PRKCI: variants seen among roughly 807,000 people sequenced by gnomAD.
The protein encoded by PRKCI is protein kinase C iota type.
In PRKCI, 43 loss-of-function variants were observed where a neutral mutation model predicts 84.0. The observed-to-expected ratio is 0.51, with a 90% CI of 0.40 to 0.66. The LOEUF (loss-of-function observed/expected upper bound fraction) is 0.66, where lower values mean the gene tolerates loss of function less well. Ranked by LOEUF, PRKCI falls within the 30% of genes least tolerant of loss-of-function variation. PRKCI has a pLI of 0.00. For missense variants in PRKCI, 459 were observed against 745.6 expected, an observed-to-expected ratio of 0.62 and a Z score of 4.48; for synonymous variants, 216 against 234.4, an observed-to-expected ratio of 0.92 and a Z score of 0.72.
intron 2 of PRKCI, among the ~76,000 whole-genome samples, chr3:170,241,669 GAC>G (rs909248248): frequency 6.6e-6 from 1 of 151,572 alleles, no homozygotes; most frequent in African/African-American, 2.4e-5. Flanking sequence ...GAGAGAGAGA[GAC>G]AGAGACAGAG....
chr3:170,235,422 T>C (rs1732944760), intron 2 of PRKCI, 71 bp downstream of exon 2: 2 of 1,529,342 alleles, frequency 1.3e-6, no homozygotes, highest in Non-Finnish European at 1.8e-6. Context: ...TGTAAAAATA[T>C]AATGAGTCCT....
chr3:170,252,246 C>T (rs908140038), intron 2 of PRKCI, among the ~76,000 whole-genome samples: 14 of 152,020 alleles, frequency 9.2e-5, no homozygotes, highest in Non-Finnish European at 1.8e-4. Context: ...GAAAGATACC[C>T]TGTTGGTTGA....
chr3:170,225,566 T>A (rs1732606829), intron 1 of PRKCI, among the ~76,000 whole-genome samples: 1 of 151,754 alleles, frequency 6.6e-6, no homozygotes, highest in African/African-American at 2.4e-5. Context: ...TCTACACTTT[T>A]CTTTTCTTTT....
intron 1 of PRKCI, among the ~76,000 whole-genome samples, chr3:170,234,031 CTTTTTTTT>C (rs386398519): frequency 2.1e-5 from 2 of 93,364 alleles, no homozygotes; most frequent in Non-Finnish European, 3.9e-5. Flanking sequence ...TATACTTACA[CTTTTTTTT>C]TTTTTTTTTT....
chr3:170,286,714 A>G (rs1279964035), intron 12 of PRKCI, among the ~76,000 whole-genome samples: 1 of 151,960 alleles, frequency 6.6e-6, no homozygotes, highest in Non-Finnish European at 1.5e-5. Context: ...ATTTTGGTTT[A>G]TGAGGAGAGA....
intron 9 of PRKCI, 57 bp from the exon 10 acceptor site, chr3:170,281,109 A>G: frequency 6.9e-7 from 1 of 1,441,318 alleles, no homozygotes; most frequent in South Asian, 1.2e-5. Context: ...CTCAGAGCAA[A>G]TTTATCATTA....
chr3:170,273,180 T>G lies in PRKCI; in HGVS notation c.592-106T>G. 2.2e-6 allele frequency: 2 copies of G among 911,564 alleles called. 1 individual carries two copies. The highest frequency in any genetic ancestry group is 3.5e-6 in the Non-Finnish European group (2 of 579,576). 56.5% of individuals were successfully genotyped at this position (911,564 alleles called of 1,614,324 possible). Reference sequence around the variant, plus strand: ...AAGTAAATTCTCACTTAAGTTATATTCTTTCAAAATTAAATTTTAATATGC... The same window carrying G: ...AAGTAAATTCTCACTTAAGTTATATGCTTTCAAAATTAAATTTTAATATGC... On this transcript the variant is annotated intron_variant, in intron 6 of 17. Transcript: ENST00000295797.
At chr3:170,289,611 T>TA (rs751362173) in intron 12 of PRKCI, among the ~76,000 whole-genome samples, 1 of 151,850 alleles carries the variant, frequency 6.6e-6, no homozygotes, top group Non-Finnish European at 1.5e-5. Flanking sequence ...CCATCTCTAC[T>TA]AAAAATACAA....
chr3:170,242,442 A>G (rs1733158809), intron 2 of PRKCI, among the ~76,000 whole-genome samples: 1 of 148,154 alleles, frequency 6.7e-6, no homozygotes, highest in African/African-American at 2.7e-5. Context: ...CCCCATCTCA[A>G]AAGAAAAAAG....
chr3:170,301,658 T>C (rs1734822404), intron 17 of PRKCI, among the ~76,000 whole-genome samples: 1 of 152,200 alleles, frequency 6.6e-6, no homozygotes, highest in Non-Finnish European at 1.5e-5. Flanking sequence ...CATTATTTCA[T>C]CATTTACATC....
intron 1 of PRKCI, among the ~76,000 whole-genome samples, chr3:170,227,398 CAT>C (rs1408336908): frequency 6.6e-6 from 1 of 152,078 alleles, no homozygotes; most frequent in Non-Finnish European, 1.5e-5. Flanking sequence ...GAGGGAAGGA[CAT>C]ATAAGAGTTA....
chr3:170,261,457 TTTA>T (rs1251187365), intron 3 of PRKCI, among the ~76,000 whole-genome samples: 2 of 136,116 alleles, frequency 1.5e-5, no homozygotes, highest in East Asian at 2.0e-4. Context: ...GTGTTTTTTT[TTTA>T]AAAAAAAAAA....
chr3:170,253,803 A>G (rs1733511853), intron 2 of PRKCI, among the ~76,000 whole-genome samples: 1 of 148,762 alleles, frequency 6.7e-6, no homozygotes, highest in Non-Finnish European at 1.5e-5. Flanking sequence ...ATAAAAAAAA[A>G]TGTCTATTCA....
intron 17 of PRKCI, among the ~76,000 whole-genome samples, chr3:170,300,935 C>T (rs1431784846): frequency 6.6e-6 from 1 of 152,054 alleles, no homozygotes; most frequent in Non-Finnish European, 1.5e-5. Context: ...CCCTTGAGAC[C>T]AGGATGCTCC....
At chr3:170,256,197 T>G (rs1560173533) in intron 2 of PRKCI, among the ~76,000 whole-genome samples, 1 of 152,214 alleles carries the variant, frequency 6.6e-6, no homozygotes, top group Non-Finnish European at 1.5e-5. Context: ...TTACTGGGTC[T>G]TAGAATGAGT....
chr3:170,253,283 T>G (rs1733499181), intron 2 of PRKCI, among the ~76,000 whole-genome samples: 3 of 152,238 alleles, frequency 2.0e-5, no homozygotes, highest in Admixed American at 2.0e-4. Flanking sequence ...CCATAGTGAC[T>G]GTACTAAAGT....
intron 1 of PRKCI, among the ~76,000 whole-genome samples, chr3:170,233,091 T>TA (rs1390974507): frequency 1.3e-5 from 2 of 151,910 alleles, no homozygotes; most frequent in Admixed American, 6.6e-5. Context: ...CCAATGGTCT[T>TA]ACCATTCATG....
At chr3:170,295,781 GC>G (rs1734673921) in intron 14 of PRKCI, 129 bp from the exon 15 acceptor site, 8 of 423,072 alleles carry the variant, frequency 1.9e-5, no homozygotes, top group Admixed American at 1.3e-4. Flanking sequence ...GGAGGTCAAA[GC>G]TGCAGTGAGC....
chr3:170,289,979 G>A (rs1266828508), intron 12 of PRKCI, among the ~76,000 whole-genome samples: 8 of 151,308 alleles, frequency 5.3e-5, no homozygotes, highest in East Asian at 3.9e-4. Context: ...AGGCTGAGGC[G>A]TGAGAATCAC....
Sources: gnomAD v4.1 joint callset for allele counts (sites outside exome capture counted in the v4.1 genomes callset) on GRCh38, gnomAD v4.1.1 for gene constraint, MANE v1.5 for transcripts, NCBI Gene and HGNC (gene_info 2026-07-23, HGNC 2026-07-21) for gene names.